DIP2C: variants seen among roughly 807,000 people sequenced by gnomAD.
The protein encoded by DIP2C is DIP2 acetate--CoA ligase C (putative).
DIP2C carries 33 observed loss-of-function variants against 192.4 expected under a neutral mutation model. That is an observed-to-expected ratio of 0.17 (90% confidence interval 0.13 to 0.23). The LOEUF (loss-of-function observed/expected upper bound fraction) is 0.23. Ranked by LOEUF, DIP2C falls within the 10% of genes least tolerant of loss-of-function variation. The pLI, the probability that DIP2C is intolerant of heterozygous loss-of-function variation, is 1.00. For missense variants in DIP2C, 1,537 were observed against 2,110.1 expected (o/e 0.73, Z 5.32); for synonymous variants, 979 against 864.1 (o/e 1.13, Z -2.33).
At chr10:413,239 C>T (rs1159748673) in intron 8 of DIP2C, among the ~76,000 whole-genome samples, 3 of 152,232 alleles carry the variant, frequency 2.0e-5, no homozygotes, top group Admixed American at 2.0e-4. Flanking sequence ...ACGCACTTCT[C>T]TGCTACCGTT....
intron 1 of DIP2C, among the ~76,000 whole-genome samples, chr10:685,181 TATATAC>T (rs1423879448): frequency 4.0e-3 from 81 of 20,204 alleles, no homozygotes; most frequent in South Asian, 0.022. Context: ...TATATATATA[TATATAC>T]ATATATATAT....
At chr10:432,799 A>T (rs1467529477) in intron 4 of DIP2C, among the ~76,000 whole-genome samples, 1 of 152,220 alleles carries the variant, frequency 6.6e-6, no homozygotes, top group Non-Finnish European at 1.5e-5. Flanking sequence ...ATTTCCCTAT[A>T]AACATTACTT....
chr10:606,062 C>A (rs1267847970), intron 1 of DIP2C, among the ~76,000 whole-genome samples: 1 of 152,238 alleles, frequency 6.6e-6, no homozygotes, highest in Admixed American at 6.5e-5. Flanking sequence ...CTGGCGAGAA[C>A]CCCCGGAGCC....
At chr10:602,967 A>G (rs887200896) in intron 1 of DIP2C, among the ~76,000 whole-genome samples, 1 of 152,180 alleles carries the variant, frequency 6.6e-6, no homozygotes, top group Non-Finnish European at 1.5e-5. Context: ...GGGGGAGGCA[A>G]GAGTGCTGGG....
chr10:390,039 G>A lies in DIP2C; in HGVS notation c.1549C>T (p.Leu517=), dbSNP rs1963333774. 5.6e-6 allele frequency: 9 copies of A among 1,614,050 alleles called. No homozygotes were observed. In the South Asian group the frequency reaches 9.9e-5, roughly 18 times the overall value. Residue 517 remains leucine, a synonymous_variant, in exon 13 of 37, where the codon CTG becomes TTG. Coordinates refer to ENST00000280886, the MANE Select transcript of DIP2C (RefSeq NM_014974.3). ...GTCAGGGCCTGGCAGTGTGTCAGCAGCGCAGTCCTCGTCACCGTCACACCC... is the reference window on the plus strand; with the variant it reads ...GTCAGGGCCTGGCAGTGTGTCAGCAACGCAGTCCTCGTCACCGTCACACCC... ...VLGVTVTRTA[L]LTHCQALTQA...
intron 2 of DIP2C, chr10:485,089 G>GC: frequency 8.8e-7 from 1 of 1,135,362 alleles, no homozygotes. Flanking sequence ...CGCCCTCTGC[G>GC]CCCGGCTAAG....
intron 3 of DIP2C, among the ~76,000 whole-genome samples, chr10:467,383 G>T (rs1205120456): frequency 6.8e-6 from 1 of 146,710 alleles, no homozygotes; most frequent in Non-Finnish European, 1.5e-5. Context: ...GACTGTGGTG[G>T]GGTGGGGGGA....
At chr10:376,158 C>A (rs962342485) in intron 17 of DIP2C, among the ~76,000 whole-genome samples, 3 of 152,230 alleles carry the variant, frequency 2.0e-5, no homozygotes, top group Non-Finnish European at 2.9e-5. Context: ...CTGTGATTCT[C>A]ATCTACAGAC....
intron 4 of DIP2C, among the ~76,000 whole-genome samples, chr10:423,678 C>T (rs1052009524): frequency 1.3e-5 from 2 of 152,026 alleles, no homozygotes; most frequent in Non-Finnish European, 2.9e-5. Flanking sequence ...CTGATTTGTG[C>T]GTTGGTGTGT....
chr10:474,518 C>CA (rs1448669835), intron 2 of DIP2C, among the ~76,000 whole-genome samples: 1 of 152,016 alleles, frequency 6.6e-6, no homozygotes, highest in Non-Finnish European at 1.5e-5. Context: ...GCCCCAGTCC[C>CA]AAACGTGCTA....
intron 10 of DIP2C, among the ~76,000 whole-genome samples, chr10:395,135 G>T: frequency 1.0e-5 from 1 of 96,044 alleles, no homozygotes; most frequent in East Asian, 3.7e-4. Flanking sequence ...AGGAGTTGGG[G>T]GAGGGAGGAG....
At chr10:572,807 C>T (rs1312965478) in intron 1 of DIP2C, among the ~76,000 whole-genome samples, 1 of 152,182 alleles carries the variant, frequency 6.6e-6, no homozygotes, top group Non-Finnish European at 1.5e-5. Flanking sequence ...GAGAAAATGA[C>T]CCCTCAGTCT....
chr10:465,468 A>T (rs1423868303), intron 3 of DIP2C, among the ~76,000 whole-genome samples: 2 of 152,102 alleles, frequency 1.3e-5, no homozygotes, highest in Non-Finnish European at 2.9e-5. Context: ...TTCCCTTTGA[A>T]AACTGGCACG....
At chr10:553,679 CTT>C (rs1386890188) in intron 1 of DIP2C, among the ~76,000 whole-genome samples, 1 of 152,070 alleles carries the variant, frequency 6.6e-6, no homozygotes, top group East Asian at 1.9e-4. Context: ...TAGCTTGTAA[CTT>C]TAAGAGTGGC....
chr10:539,808 G>A (rs1365850399), intron 1 of DIP2C, among the ~76,000 whole-genome samples: 6 of 152,160 alleles, frequency 3.9e-5, no homozygotes, highest in African/African-American at 1.4e-4. Flanking sequence ...TTTTTAAAGT[G>A]AAATAACAGT....
intron 1 of DIP2C, chr10:665,426 G>T (rs1023933012): frequency 6.6e-6 from 1 of 152,100 alleles, no homozygotes; most frequent in African/African-American, 2.4e-5. Flanking sequence ...TTTTAATTGT[G>T]TGAGTCCAGT....
At chr10:657,826 ACCCTGGACCTGC>A (rs1271467965) in intron 1 of DIP2C, among the ~76,000 whole-genome samples, 1 of 85,702 alleles carries the variant, frequency 1.2e-5, no homozygotes, top group African/African-American at 4.8e-5. Flanking sequence ...GCTGGACTTG[ACCCTGGACCTGC>A]CCCTGGACCT....
At chr10:669,643 A>G (rs961039143) in intron 1 of DIP2C, 1 of 152,252 alleles carries the variant, frequency 6.6e-6, no homozygotes, top group Non-Finnish European at 1.5e-5. Context: ...CTTGACATCT[A>G]AAATACTTAA....
At position 399,182 on chromosome 10, in the gene DIP2C, A is replaced by C; in HGVS notation, c.1187T>G (p.Phe396Cys). The change falls in exon 10 of 37, where the codon TTC becomes TGC. Residue 396 changes from phenylalanine to cysteine, a missense_variant. By Grantham distance (205) the Phe-to-Cys change is radical. Transcript: ENST00000280886. Reference sequence around the variant, plus strand: ...CAGGCAGCCGTAGAAAGCCGCCATGAAGGCAGCCGGATCATTGTTGGGGAA... The same window carrying C: ...CAGGCAGCCGTAGAAAGCCGCCATGCAGGCAGCCGGATCATTGTTGGGGAA... ...LVFPNNDPAA[F>C]MAAFYGCLLA... 6.2e-7 allele frequency: 1 copy of C among 1,614,088 alleles called. No homozygotes were observed. Among genetic ancestry groups the C allele is most frequent in the Non-Finnish European group, 8.5e-7 (1 of 1,180,038 alleles).
Sources: allele counts gnomAD v4.1 joint callset (sites outside exome capture counted in the v4.1 genomes callset), GRCh38; gene constraint gnomAD v4.1.1; transcripts MANE v1.5; gene names NCBI Gene and HGNC (gene_info 2026-07-23, HGNC 2026-07-21).